RCOR2: variants seen among roughly 807,000 people sequenced by gnomAD.
RCOR2 encodes REST corepressor 2.
In RCOR2, 19 loss-of-function variants were observed where a neutral mutation model predicts 58.9. The ratio of observed to expected loss-of-function variants is 0.32; its 90% CI spans 0.23 to 0.47. The LOEUF (loss-of-function observed/expected upper bound fraction) is 0.47. RCOR2 is among the 20% of genes least tolerant of loss of function. RCOR2 has a pLI of 1.00. For synonymous variants in RCOR2, 286 were observed against 278.7 expected (o/e 1.03, Z -0.26); for missense variants, 590 against 707.9 (o/e 0.83, Z 1.89).
chr11:63,914,544 G>A lies in RCOR2; in HGVS notation c.481-3C>T. ...CTGGGAATCAACTTGTCAGGCAGCT[G>A]GAGGAGGCAACGCCAGAAGCTGGGG... is the stretch of plus-strand genomic sequence containing the variant. On this transcript the variant is annotated splice_polypyrimidine_tract_variant and splice_region_variant and intron_variant, in intron 5 of 11. Coordinates refer to ENST00000301459, the MANE Select transcript of RCOR2 (RefSeq NM_173587.4). 1 of 1,613,624 alleles carries A rather than the reference G, an allele frequency of 6.2e-7. No homozygotes were observed. Among genetic ancestry groups the A allele is most frequent in the South Asian group, 1.1e-5 (1 of 91,082 alleles).
chr11:63,912,915 C>A lies in RCOR2; in HGVS notation c.924G>T (p.Leu308=). ...CAATACCGCCCTCCAGGGCTTGGCG[C>A]AGGCTGCTGTTCGTCTGCTTCATGC... ...VQSMKQTNSS[L]RQALEGGIDP... The change falls in exon 9 of 12, where the codon CTG becomes CTT. Residue 308 remains leucine (L), a synonymous_variant. Coordinates refer to ENST00000301459, the MANE Select transcript of RCOR2 (RefSeq NM_173587.4). 2 of 1,613,548 alleles carry A rather than the reference C, an allele frequency of 1.2e-6. No homozygotes were observed. Among genetic ancestry groups the A allele is most frequent in the South Asian group, 1.1e-5 (1 of 90,994 alleles).
chr11:63,912,491 C>T lies in RCOR2; in HGVS notation c.1071G>A (p.Val357=). 1 of 1,614,042 alleles carries T rather than the reference C, an allele frequency of 6.2e-7. No homozygotes were observed. Among genetic ancestry groups the T allele is most frequent in the Admixed American group, 1.7e-5 (1 of 60,022 alleles). The change falls in exon 11 of 12, where the codon GTG becomes GTA. Residue 357 remains valine, a synonymous_variant. Coordinates refer to ENST00000301459, the MANE Select transcript of RCOR2 (RefSeq NM_173587.4). ...CCTGGGTCAGAGTCTTGTTCCCAAT[C>T]ACCTCTGCAATAGCCCCAAAGTCTT... The part of the protein sequence containing the change: ...YGKDFGAIAE[V]IGNKTLTQVK...
rs1056420453 is a variant in RCOR2, at chr11:63,912,751, A to G, written c.970-18T>C. The G allele has an allele frequency of 3.7e-6, 6 of 1,613,696 alleles. No individual in the cohort carries two copies. The highest frequency in any genetic ancestry group is 2.2e-5 in the East Asian group (1 of 44,898). ...GTGTTGGCCTGGAAAGCAAGGAACA[A>G]CATATCCTTTAGACTCAAAACCATG... On this transcript the variant is annotated intron_variant, in intron 9 of 11. Transcript: ENST00000301459.
At chr11:63,925,386 A>G in the RCOR2 span, among the ~76,000 whole-genome samples, 1 of 152,178 alleles carries the variant, frequency 6.6e-6, no homozygotes, top group Non-Finnish European at 1.5e-5. Flanking sequence ...TCAGAAATGA[A>G]CTAGAAACCA....
Position 63,916,648 on chromosome 11 carries a change from C to G in RCOR2, c.-192G>C. 1 of 949,020 alleles carries G rather than the reference C, an allele frequency of 1.1e-6. No individual in the cohort carries two copies. Among genetic ancestry groups the G allele is most frequent in the Non-Finnish European group, 1.5e-6 (1 of 664,606 alleles). 58.8% of individuals were successfully genotyped at this position (949,020 alleles called of 1,614,324 possible). A position where few individuals can be genotyped will look rare whatever the true frequency, so the allele number is the denominator to read the frequency against. On this transcript the variant is annotated 5_prime_UTR_variant, in exon 1 of 12. Coordinates refer to ENST00000301459, the MANE Select transcript of RCOR2 (RefSeq NM_173587.4). ...GGTAGCCCCAGCGCTCTCCACGACCCCCACGAGCCAGGGCGTCAGAAAAGT... is the reference window on the plus strand; with the variant it reads ...GGTAGCCCCAGCGCTCTCCACGACCGCCACGAGCCAGGGCGTCAGAAAAGT...
the RCOR2 span, among the ~76,000 whole-genome samples, chr11:63,926,034 C>T: frequency 3.9e-5 from 6 of 151,906 alleles, no homozygotes; most frequent in East Asian, 5.8e-4. Context: ...CTCGACCTCC[C>T]GAATAACTGG....
rs1565162161 is a variant in RCOR2 at position 63,916,599 on chromosome 11, G to A, written c.-143C>T. The A allele has an allele frequency of 7.3e-6, 10 of 1,374,420 alleles. No individual in the cohort carries two copies. Among genetic ancestry groups the A allele is most frequent in the Middle Eastern group, 2.6e-4 (1 of 3,774 alleles). The allele number at this position is 1,374,420 out of a possible 1,614,324, so 85.1% of individuals were successfully genotyped here. On this transcript the variant is annotated 5_prime_UTR_variant, in exon 1 of 12. Transcript: ENST00000301459. ...GAGGCAGGAGGTCAGCGTGGCTAGGGTCCGGCGGGGTGGGAGCCCACCTGG... is the reference window on the plus strand; with the variant it reads ...GAGGCAGGAGGTCAGCGTGGCTAGGATCCGGCGGGGTGGGAGCCCACCTGG...
rs1448977557 is a variant in RCOR2, at chr11:63,917,142, C to G, written c.-686G>C. On this transcript the variant is annotated 5_prime_UTR_variant, in exon 1 of 12. Transcript: ENST00000301459. ...CGCTTGCTCGCCCGCTCTCCGCCGCCGCTCGCTCCTCGCGCACACAATGAA... is the reference window on the plus strand; with the variant it reads ...CGCTTGCTCGCCCGCTCTCCGCCGCGGCTCGCTCCTCGCGCACACAATGAA... Among the ~76,000 whole-genome samples the G allele has an allele frequency of 6.6e-6, 1 of 151,942 alleles. No individual in the cohort carries two copies. Among genetic ancestry groups the G allele is most frequent in the Admixed American group, 6.5e-5 (1 of 15,274 alleles).
Position 63,914,741 on chromosome 11 carries a change from G to A in RCOR2, c.394C>T (p.Pro132Ser). 6.2e-7 allele frequency: 1 copy of A among 1,613,484 alleles called. No homozygotes were observed. The highest frequency in any genetic ancestry group is 8.5e-7 in the Non-Finnish European group (1 of 1,179,742). The change falls in exon 5 of 12, where the codon CCT (proline) becomes TCT (serine). Residue 132 changes from proline to serine, a missense_variant. Pro to Ser is a moderately conservative substitution (Grantham distance 74). Coordinates refer to ENST00000301459, the MANE Select transcript of RCOR2 (RefSeq NM_173587.4). ...TTGTCCTCTACTGTCCACTCGTCAG[G>A]GAATGGGGTGAAGTTGGCCAGGTCG... is the stretch of plus-strand genomic sequence containing the variant. Reference protein sequence around the residue: ...LADLANFTPFPDEWTVEDKVL... With the variant: ...LADLANFTPFSDEWTVEDKVL...
chr11:63,915,465 G>A, intron 2 of RCOR2, 90 bp downstream of exon 2: 1 of 1,384,618 alleles, frequency 7.2e-7, no homozygotes, highest in Non-Finnish European at 1.0e-6. Flanking sequence ...CCCTTCCAGG[G>A]GAGCCAATCA....
chr11:63,911,708 G>T lies in RCOR2; in HGVS notation c.*157C>A. The T allele has an allele frequency of 1.6e-6, 2 of 1,217,368 alleles. No individual in the cohort carries two copies. Among genetic ancestry groups the T allele is most frequent in the South Asian group, 2.1e-5 (1 of 47,540 alleles). 75.4% of individuals were successfully genotyped at this position (1,217,368 alleles called of 1,614,324 possible). A position where few individuals can be genotyped will look rare whatever the true frequency, so the allele number is the denominator to read the frequency against. On this transcript the variant is annotated 3_prime_UTR_variant, in exon 12 of 12. Transcript: ENST00000301459. ...ACAGGCCCAGCTGCCAGGAACACAT[G>T]CAGAACCCAAAGGGCGGGGCTGGGC...
upstream of RCOR2, among the ~76,000 whole-genome samples, chr11:63,921,601 T>C (rs528761972): frequency 2.6e-5 from 4 of 152,338 alleles, no homozygotes; most frequent in African/African-American, 7.2e-5. Flanking sequence ...TGAGCCTCAG[T>C]CCTTCATCTC....
the RCOR2 span, among the ~76,000 whole-genome samples, chr11:63,926,536 T>C: frequency 2.7e-5 from 4 of 150,210 alleles, no homozygotes; most frequent in African/African-American, 9.9e-5. Flanking sequence ...AGTCTCGCTG[T>C]TCAGCAGTGA....
At position 63,916,478 on chromosome 11, in the gene RCOR2, G is replaced by A. The variant is rs770658560; in HGVS notation, c.-22C>T. 1 of 1,601,226 alleles carries A rather than the reference G, an allele frequency of 6.2e-7. No individual in the cohort carries two copies. Among genetic ancestry groups the A allele is most frequent in the Admixed American group, 1.7e-5 (1 of 58,974 alleles). Reference sequence around the variant, plus strand: ...GCATTACCCCGCCCAGCTGCCCCGGGGGGCGCAGGAGCCTTCGGAGAGCGA... The same window carrying A: ...GCATTACCCCGCCCAGCTGCCCCGGAGGGCGCAGGAGCCTTCGGAGAGCGA... On this transcript the variant is annotated 5_prime_UTR_variant, in exon 1 of 12. Coordinates refer to ENST00000301459, the MANE Select transcript of RCOR2 (RefSeq NM_173587.4).
chr11:63,914,993 T>C (rs1590735865), intron 3 of RCOR2, 39 bp from the exon 4 acceptor site: 3 of 1,611,880 alleles, frequency 1.9e-6, no homozygotes, highest in African/African-American at 2.7e-5. Context: ...GTGAAGGGGG[T>C]TATAGCTCCT....
In RCOR2 at chr11:63,912,374, G is replaced by A; in HGVS notation, c.1188C>T (p.Ala396=). 1 of 1,613,764 alleles carries A rather than the reference G, an allele frequency of 6.2e-7. No homozygotes were observed. The highest frequency in any genetic ancestry group is 1.1e-5 in the South Asian group (1 of 91,084). The change falls in exon 11 of 12, where the codon GCC becomes GCT. Residue 396 remains alanine (A), a synonymous_variant. Coordinates refer to ENST00000301459, the MANE Select transcript of RCOR2 (RefSeq NM_173587.4). ...WEAEQDGAPG[A]PVPMEEARRG... Reference sequence around the variant, plus strand: ...TCCTAGCCTCCTCCATGGGGACTGGGGCTCCAGGGGCCCCATCCTGCTCAG... The same window carrying A: ...TCCTAGCCTCCTCCATGGGGACTGGAGCTCCAGGGGCCCCATCCTGCTCAG...
In RCOR2 at chr11:63,916,572, G is replaced by A. The variant is rs1565162138; in HGVS notation, c.-116C>T. The A allele has an allele frequency of 6.9e-7, 1 of 1,439,204 alleles. No homozygotes were observed. The highest frequency in any genetic ancestry group is 9.1e-7 in the Non-Finnish European group (1 of 1,097,132). The allele number at this position is 1,439,204 out of a possible 1,614,324, so 89.2% of individuals were successfully genotyped here. ...CTGGAGAGGTCGCCACTGAGGTTAG[G>A]AGAGGCAGGAGGTCAGCGTGGCTAG... On this transcript the variant is annotated 5_prime_UTR_variant, in exon 1 of 12. Coordinates refer to ENST00000301459, the MANE Select transcript of RCOR2 (RefSeq NM_173587.4).
At chr11:63,913,182 A>C (rs60196892) in intron 8 of RCOR2, among the ~76,000 whole-genome samples, 1 of 81,698 alleles carries the variant, frequency 1.2e-5, no homozygotes, top group African/African-American at 4.3e-5. Context: ...ATATATATAT[A>C]TATTTTTTTT....
In RCOR2 at chr11:63,913,491, A is replaced by ATTTTTTTTTTT. The variant is rs775816114; in HGVS notation, c.891+462_891+463insAAAAAAAAAAA. Among the ~76,000 whole-genome samples, 709 of 126,704 alleles carry ATTTTTTTTTTT rather than the reference A, an allele frequency of 5.6e-3. 21 individuals are homozygous for ATTTTTTTTTTT. The highest frequency in any genetic ancestry group is 0.019 in the African/African-American group (682 of 36,042). The allele number at this position is 126,704 out of a possible 152,430, so 83.1% of individuals were successfully genotyped here. On this transcript the variant is annotated intron_variant, in intron 8 of 11. Transcript: ENST00000301459. ...AGGTATGAGCCACCGTGCTCGGCCT[A>ATTTTTTTTTTT]TTTTTTTTTGAGACGGAATCTCACT...
Sources: gnomAD v4.1 joint callset for allele counts (sites outside exome capture counted in the v4.1 genomes callset) on GRCh38, gnomAD v4.1.1 for gene constraint, MANE v1.5 for transcripts, NCBI Gene and HGNC (gene_info 2026-07-23, HGNC 2026-07-21) for gene names.